Variants in ZFAND3 observed in about 807,000 individuals in gnomAD.
The protein encoded by ZFAND3 is AN1-type zinc finger protein 3.
ZFAND3 carries 10 observed loss-of-function variants against 29.6 expected under a neutral mutation model. The ratio of observed to expected loss-of-function variants is 0.34; its 90% CI spans 0.21 to 0.57. ZFAND3 has a LOEUF of 0.57. Among genes scored for constraint, ZFAND3 ranks in the 20% least tolerant of loss-of-function variants. The pLI is 0.86. For synonymous variants in ZFAND3, 128 were observed against 112.6 expected (o/e 1.14, Z -0.87); for missense variants, 230 against 304.5 (o/e 0.76, Z 1.82).
At chr6:37,996,935 AAC>A (rs1762859161) in intron 2 of ZFAND3, among the ~76,000 whole-genome samples, 1 of 152,176 alleles carries the variant, frequency 6.6e-6, no homozygotes, top group South Asian at 2.1e-4. Flanking sequence ...TATTATACAT[AAC>A]ATAGTAATGA....
intron 4 of ZFAND3, among the ~76,000 whole-genome samples, chr6:38,084,765 T>TG (rs1465141198): frequency 6.6e-6 from 1 of 152,188 alleles, no homozygotes; most frequent in East Asian, 1.9e-4. Flanking sequence ...TAGAAAAAGA[T>TG]GGAGAATTTC....
chr6:38,137,203 A>T (rs1765858430), intron 5 of ZFAND3, among the ~76,000 whole-genome samples: 1 of 152,216 alleles, frequency 6.6e-6, no homozygotes, highest in African/African-American at 2.4e-5. Flanking sequence ...GTAGGCTCCT[A>T]TGAATAACGG....
At chr6:38,053,230 G>C (rs186076739) in intron 2 of ZFAND3, among the ~76,000 whole-genome samples, 2 of 152,074 alleles carry the variant, frequency 1.3e-5, no homozygotes, top group East Asian at 3.9e-4. Context: ...TTCTGGATCT[G>C]GTTGTGAAGG....
chr6:38,090,607 C>T (rs886363020), intron 4 of ZFAND3, among the ~76,000 whole-genome samples: 1 of 152,170 alleles, frequency 6.6e-6, no homozygotes, highest in African/African-American at 2.4e-5. Flanking sequence ...CATGGCATGT[C>T]ATAGTGGCTG....
At chr6:37,871,313 G>A (rs1337925117) in intron 1 of ZFAND3, among the ~76,000 whole-genome samples, 1 of 152,006 alleles carries the variant, frequency 6.6e-6, no homozygotes, top group Non-Finnish European at 1.5e-5. Flanking sequence ...GTTCTTTTAT[G>A]GTTTCTGTTT....
At chr6:38,023,948 G>A (rs905663218) in intron 2 of ZFAND3, among the ~76,000 whole-genome samples, 3 of 151,946 alleles carry the variant, frequency 2.0e-5, no homozygotes, top group South Asian at 2.1e-4. Flanking sequence ...GAGCCCAGGA[G>A]GTCAAAGCTG....
chr6:37,933,909 C>T (rs1438707819), intron 2 of ZFAND3, among the ~76,000 whole-genome samples: 57 of 113,836 alleles, frequency 5.0e-4, no homozygotes, highest in Admixed American at 1.3e-3. Context: ...TTTTTTGAGA[C>T]GGAGTTTCGC....
chr6:38,119,380 T>A (rs568558271), intron 5 of ZFAND3, among the ~76,000 whole-genome samples: 1 of 152,286 alleles, frequency 6.6e-6, no homozygotes, highest in South Asian at 2.1e-4. Context: ...AGGAAGGTAG[T>A]TTGAGCTCAA....
intron 1 of ZFAND3, among the ~76,000 whole-genome samples, chr6:37,916,011 C>T (rs997216124): frequency 1.1e-4 from 16 of 151,572 alleles, no homozygotes; most frequent in Middle Eastern, 3.4e-3. Context: ...TCAGGTGATC[C>T]GCCCGCCTCG....
intron 1 of ZFAND3, among the ~76,000 whole-genome samples, chr6:37,923,377 C>T (rs1761420255): frequency 6.6e-6 from 1 of 152,238 alleles, no homozygotes; most frequent in Admixed American, 6.5e-5. Context: ...TCTGCTTCCA[C>T]ATCTTTTCCC....
chr6:38,109,822 CA>C (rs1283472122), intron 4 of ZFAND3, among the ~76,000 whole-genome samples: 1 of 152,120 alleles, frequency 6.6e-6, no homozygotes, highest in African/African-American at 2.4e-5. Flanking sequence ...TCCGCAGAAG[CA>C]GCTTCTGCGT....
intron 5 of ZFAND3, among the ~76,000 whole-genome samples, chr6:38,123,358 G>A (rs1765570483): frequency 6.6e-6 from 1 of 152,196 alleles, no homozygotes; most frequent in Non-Finnish European, 1.5e-5. Flanking sequence ...CAGCCCACGT[G>A]TCTGTGCCTT....
rs1477232668 is a variant in ZFAND3 at position 38,026,286 on chromosome 6, T to C, written c.113-35307T>C. Among the ~76,000 whole-genome samples the C allele has an allele frequency of 2.6e-5, 4 of 152,272 alleles. No homozygotes were observed. The East Asian group carries it at 5.8e-4, about 22-fold the overall frequency. The stretch of plus-strand genomic sequence containing the variant: ...AGTCCCAAGGTCCAGAACTACTCCT[T>C]CTTTTGCCGTCTGTTTTAGCACTGT... On this transcript the variant is annotated intron_variant, in intron 2 of 5. Transcript: ENST00000287218.
intron 2 of ZFAND3, among the ~76,000 whole-genome samples, chr6:38,021,372 A>G (rs1363027960): frequency 1.3e-5 from 2 of 152,232 alleles, no homozygotes; most frequent in Admixed American, 1.3e-4. Context: ...GGACTATGCT[A>G]TTCATAGCTA....
intron 1 of ZFAND3, among the ~76,000 whole-genome samples, chr6:37,867,970 C>T (rs188161533): frequency 7.9e-4 from 121 of 152,246 alleles, no homozygotes; most frequent in African/African-American, 2.6e-3. Context: ...TTTTGTTTCA[C>T]ATTTAAACAG....
At chr6:38,120,014 G>A (rs1306173870) in intron 5 of ZFAND3, among the ~76,000 whole-genome samples, 2 of 152,048 alleles carry the variant, frequency 1.3e-5, no homozygotes, top group Admixed American at 6.6e-5. Context: ...AATCTTTCAG[G>A]GTGCCAATTA....
intron 5 of ZFAND3, among the ~76,000 whole-genome samples, chr6:38,141,954 C>T (rs1188832807): frequency 1.3e-5 from 2 of 152,200 alleles, no homozygotes; most frequent in Non-Finnish European, 2.9e-5. Context: ...CCGTAACAGC[C>T]CCATCTTAGA....
intron 2 of ZFAND3, among the ~76,000 whole-genome samples, chr6:38,018,687 C>T (rs537195984): frequency 6.6e-6 from 1 of 152,278 alleles, no homozygotes; most frequent in African/African-American, 2.4e-5. Context: ...AACCAGTTCT[C>T]TGTTTTGGAG....
At chr6:38,030,599 A>T (rs1763540997) in intron 2 of ZFAND3, among the ~76,000 whole-genome samples, 1 of 152,210 alleles carries the variant, frequency 6.6e-6, no homozygotes, top group African/African-American at 2.4e-5. Flanking sequence ...CAACAGAAAC[A>T]ATGAACTCCA....
Sources: gnomAD v4.1 joint callset for allele counts (sites outside exome capture counted in the v4.1 genomes callset) on GRCh38, gnomAD v4.1.1 for gene constraint, MANE v1.5 for transcripts, NCBI Gene and HGNC (gene_info 2026-07-23, HGNC 2026-07-21) for gene names.